The following LHPP variants were observed in gnomAD, a reference collection of about 807,000 sequenced individuals.
LHPP encodes the protein phospholysine phosphohistidine inorganic pyrophosphate phosphatase.
In LHPP, 24 loss-of-function variants were observed where a neutral mutation model predicts 30.3. The observed-to-expected ratio is 0.79, with a 90% CI of 0.57 to 1.11. The LOEUF (loss-of-function observed/expected upper bound fraction) is 1.11. Among genes scored for constraint, LHPP ranks in the 50% most tolerant of loss-of-function variants. LHPP has a pLI of 0.00. For synonymous variants in LHPP, 150 were observed against 157.1 expected (o/e 0.95, Z 0.34); for missense variants, 356 against 367.2 (o/e 0.97, Z 0.25).
At chr10:124,607,780 T>C (rs1297595901) in intron 6 of LHPP, among the ~76,000 whole-genome samples, 4 of 152,082 alleles carry the variant, frequency 2.6e-5, no homozygotes, top group African/African-American at 9.7e-5. Context: ...CCTCTCACTG[T>C]TGTGGGGAGA....
chr10:124,539,912 A>T (rs1397776424), intron 6 of LHPP, among the ~76,000 whole-genome samples: 1 of 152,132 alleles, frequency 6.6e-6, no homozygotes, highest in Non-Finnish European at 1.5e-5. Flanking sequence ...AAAAAAATAA[A>T]ATAGACATAA....
chr10:124,461,892 C>T lies in LHPP; in HGVS notation c.30C>T (p.Gly10=), dbSNP rs761050564. 1.2e-5 allele frequency: 15 copies of T among 1,257,376 alleles called. No individual in the cohort carries two copies. Among genetic ancestry groups the T allele is most frequent in the Middle Eastern group, 3.0e-4 (1 of 3,302 alleles). The allele number at this position is 1,257,376 out of a possible 1,614,324, so 77.9% of individuals were successfully genotyped here. The change falls in exon 1 of 7, where the codon GGC becomes GGT. Residue 10 remains glycine (G), a synonymous_variant. Coordinates refer to ENST00000368842, the MANE Select transcript of LHPP (RefSeq NM_022126.4). The stretch of plus-strand genomic sequence containing the variant: ...CACCGTGGGGCAAGCGGCTGGCTGG[C>T]GTGCGCGGGGTGCTGCTTGACATCT... MAPWGKRLA[G]VRGVLLDISG... is the part of the protein sequence containing the mutation.
intron 6 of LHPP, among the ~76,000 whole-genome samples, chr10:124,589,483 A>G (rs779301263): frequency 1.3e-5 from 2 of 152,254 alleles, no homozygotes; most frequent in Admixed American, 6.5e-5. Context: ...ACAATCTCGC[A>G]GACCCACGGC....
At chr10:124,486,592 C>A (rs1233422245) in intron 2 of LHPP, among the ~76,000 whole-genome samples, 1 of 152,262 alleles carries the variant, frequency 6.6e-6, no homozygotes, top group Non-Finnish European at 1.5e-5. Context: ...ACACTTGATT[C>A]TCCCAGCGAT....
intron 6 of LHPP, among the ~76,000 whole-genome samples, chr10:124,588,916 T>C (rs989921170): frequency 1.3e-5 from 2 of 152,166 alleles, no homozygotes; most frequent in Admixed American, 1.3e-4. Flanking sequence ...GGGCAAAGGT[T>C]AGGGAAAACC....
At chr10:124,498,429 T>TTAA in intron 5 of LHPP, 1 of 1,521,786 alleles carries the variant, frequency 6.6e-7, no homozygotes. Context: ...TATCAGTGTG[T>TTAA]TAATATATCT....
chr10:124,600,617 G>A (rs1353324689), intron 6 of LHPP, among the ~76,000 whole-genome samples: 1 of 152,258 alleles, frequency 6.6e-6, no homozygotes, highest in Non-Finnish European at 1.5e-5. Context: ...AAGTGCATGT[G>A]GCCCCTCGTG....
chr10:124,585,280 C>CAA (rs1948790060), intron 6 of LHPP, among the ~76,000 whole-genome samples: 1 of 152,142 alleles, frequency 6.6e-6, no homozygotes, highest in South Asian at 2.1e-4. Context: ...ATAAATGGGA[C>CAA]TGCATTCCTG....
chr10:124,594,539 G>A (rs577376472), intron 6 of LHPP, among the ~76,000 whole-genome samples: 9 of 152,016 alleles, frequency 5.9e-5, no homozygotes, highest in South Asian at 2.1e-4. Flanking sequence ...AAACTCTGCC[G>A]GCCTTAACTA....
intron 1 of LHPP, among the ~76,000 whole-genome samples, chr10:124,482,865 C>T (rs1054832472): frequency 6.6e-6 from 1 of 152,220 alleles, no homozygotes; most frequent in Non-Finnish European, 1.5e-5. Flanking sequence ...ATTGCCCTTC[C>T]TTTGCAGGGT....
At chr10:124,566,461 CT>C (rs1948492024) in intron 6 of LHPP, among the ~76,000 whole-genome samples, 1 of 152,204 alleles carries the variant, frequency 6.6e-6, no homozygotes. Context: ...TTGTGGGTGC[CT>C]GTGATTTAGG....
At chr10:124,462,901 C>T (rs933958295) in intron 1 of LHPP, among the ~76,000 whole-genome samples, 7 of 152,048 alleles carry the variant, frequency 4.6e-5, no homozygotes, top group African/African-American at 1.4e-4. Flanking sequence ...GAGTTTTGCT[C>T]TTGTTGCCCA....
chr10:124,598,955 A>G (rs940067201), intron 6 of LHPP, among the ~76,000 whole-genome samples: 2 of 142,512 alleles, frequency 1.4e-5, no homozygotes, highest in Admixed American at 7.0e-5. Context: ...ATCCATCTCC[A>G]TCTATCCATC....
intron 6 of LHPP, among the ~76,000 whole-genome samples, chr10:124,594,415 T>C (rs1400005508): frequency 6.6e-6 from 1 of 151,750 alleles, no homozygotes; most frequent in African/African-American, 2.4e-5. Context: ...AGTTGTTCAT[T>C]TCCTCCAGTT....
At chr10:124,491,753 T>C (rs1589786460) in intron 3 of LHPP, among the ~76,000 whole-genome samples, 1 of 150,760 alleles carries the variant, frequency 6.6e-6, no homozygotes, top group African/African-American at 2.4e-5. Flanking sequence ...GGTGAAACCC[T>C]GTCTCTACTA....
At position 124,590,125 on chromosome 10, in the gene LHPP, C is replaced by T. The variant is rs901141687; in HGVS notation, c.717-23139C>T. On this transcript the variant is annotated intron_variant, in intron 6 of 6. Coordinates refer to ENST00000368842, the MANE Select transcript of LHPP (RefSeq NM_022126.4). The surrounding 1 kb of genome is among the most constrained non-coding windows in gnomAD (Gnocchi z 4.3). ...AATAGTGTGAACAGCTCATTCGATT[C>T]GTTCATGTGACGTCCTCCCTCTCCC... 3.9e-5 allele frequency among the ~76,000 whole-genome samples: 6 copies of T among 152,182 alleles called. No homozygotes were observed. Among genetic ancestry groups the T allele is most frequent in the Non-Finnish European group, 5.9e-5 (4 of 68,042 alleles).
chr10:124,538,783 C>G (rs576911312), intron 6 of LHPP, among the ~76,000 whole-genome samples: 1 of 152,324 alleles, frequency 6.6e-6, no homozygotes, highest in Admixed American at 6.5e-5. Context: ...TGGTTTCTGA[C>G]TTGCCCAGAG....
At chr10:124,527,322 G>C (rs1269752385) in intron 6 of LHPP, among the ~76,000 whole-genome samples, 1 of 152,228 alleles carries the variant, frequency 6.6e-6, no homozygotes, top group African/African-American at 2.4e-5. Context: ...GAAGGAAAGG[G>C]GGCTCAGAGG....
At chr10:124,575,950 G>C (rs575919235) in intron 6 of LHPP, among the ~76,000 whole-genome samples, 39 of 152,290 alleles carry the variant, frequency 2.6e-4, no homozygotes, top group African/African-American at 8.9e-4. Context: ...CGGGGGTCTG[G>C]GCAGCCTGGT....
Sources: allele counts gnomAD v4.1 joint callset (sites outside exome capture counted in the v4.1 genomes callset), GRCh38; gene constraint gnomAD v4.1.1; non-coding constraint Gnocchi (gnomAD v3.1); transcripts MANE v1.5; gene names NCBI Gene and HGNC (gene_info 2026-07-23, HGNC 2026-07-21).